Variants in GRIN2A observed in about 807,000 individuals in gnomAD.
The protein encoded by GRIN2A is glutamate ionotropic receptor NMDA type subunit 2A.
In GRIN2A, 22 loss-of-function variants were observed where a neutral mutation model predicts 113.4. The ratio of observed to expected loss-of-function variants is 0.19; its 90% CI spans 0.14 to 0.28. The LOEUF is 0.28. GRIN2A is among the 10% of genes least tolerant of loss of function. GRIN2A has a pLI of 1.00. For missense variants in GRIN2A, 1,502 were observed against 1,887.0 expected (o/e 0.80, Z 3.78); for synonymous variants, 827 against 738.4 (o/e 1.12, Z -1.94).
At chr16:10,106,294 G>T (rs755311018) in intron 2 of GRIN2A, among the ~76,000 whole-genome samples, 10 of 151,386 alleles carry the variant, frequency 6.6e-5, no homozygotes, top group Non-Finnish European at 1.3e-4. Context: ...TGGCACAGTG[G>T]CTCACTTCTG....
At chr16:10,125,387 A>G (rs887155453) in intron 2 of GRIN2A, among the ~76,000 whole-genome samples, 6 of 152,186 alleles carry the variant, frequency 3.9e-5, no homozygotes, top group African/African-American at 1.2e-4. Flanking sequence ...AACAACCCCA[A>G]GTGGAAAGAC....
chr16:9,968,885 G>A (rs911111674), intron 2 of GRIN2A, among the ~76,000 whole-genome samples: 4 of 152,146 alleles, frequency 2.6e-5, no homozygotes, highest in Non-Finnish European at 4.4e-5. Flanking sequence ...GGTAATTACA[G>A]GTGTGAGCCA....
chr16:10,019,507 C>T (rs1223987669), intron 2 of GRIN2A, among the ~76,000 whole-genome samples: 1 of 152,114 alleles, frequency 6.6e-6, no homozygotes, highest in Non-Finnish European at 1.5e-5. Flanking sequence ...ATTTGTGGAC[C>T]CATTTTAATG....
intron 2 of GRIN2A, among the ~76,000 whole-genome samples, chr16:10,137,709 T>A (rs549072811): frequency 2.0e-5 from 3 of 152,320 alleles, no homozygotes; most frequent in African/African-American, 4.8e-5. Context: ...TGTGAGACAC[T>A]ATAGTTTCCT....
intron 2 of GRIN2A, among the ~76,000 whole-genome samples, chr16:10,152,535 G>T (rs905680780): frequency 7.2e-5 from 11 of 152,100 alleles, no homozygotes; most frequent in African/African-American, 2.7e-4. Flanking sequence ...CACTCACTCT[G>T]ACCTGGTTCA....
At chr16:9,787,978 T>G (rs892687206) in intron 11 of GRIN2A, among the ~76,000 whole-genome samples, 59 of 152,152 alleles carry the variant, frequency 3.9e-4, no homozygotes, top group Middle Eastern at 3.4e-3. Flanking sequence ...AAGGCAGGAG[T>G]GAGTCATCTG....
chr16:10,120,388 G>A (rs2048810266), intron 2 of GRIN2A, among the ~76,000 whole-genome samples: 1 of 152,138 alleles, frequency 6.6e-6, no homozygotes, highest in Non-Finnish European at 1.5e-5. Context: ...GTTAAATCTT[G>A]ATATTATAAC....
intron 2 of GRIN2A, among the ~76,000 whole-genome samples, chr16:10,178,213 T>C (rs188090777): frequency 6.6e-6 from 1 of 152,310 alleles, no homozygotes; most frequent in East Asian, 1.9e-4. Context: ...CTTTAGAAGA[T>C]TGGCCCCTCC....
chr16:9,936,960 T>A (rs755830055), intron 3 of GRIN2A, among the ~76,000 whole-genome samples: 1 of 152,172 alleles, frequency 6.6e-6, no homozygotes. Flanking sequence ...AAAATGCACA[T>A]GAATTAGGAC....
intron 2 of GRIN2A, among the ~76,000 whole-genome samples, chr16:9,963,352 T>C (rs8051265): frequency 0.012 from 1,795 of 152,124 alleles, 17 homozygotes; most frequent in African/African-American, 0.042. Flanking sequence ...GCCATGGTGG[T>C]TGGCTGCCCC....
chr16:9,970,510 A>C (rs1235758978), intron 2 of GRIN2A, among the ~76,000 whole-genome samples: 2 of 152,214 alleles, frequency 1.3e-5, no homozygotes, highest in African/African-American at 4.8e-5. Context: ...TAGATCTGCT[A>C]AGGAAAAGAG....
chr16:10,037,824 G>A (rs2047063271), intron 2 of GRIN2A, among the ~76,000 whole-genome samples: 1 of 151,922 alleles, frequency 6.6e-6, no homozygotes, highest in African/African-American at 2.4e-5. Flanking sequence ...TTGCTATGTT[G>A]CCCAGGCTAC....
intron 2 of GRIN2A, among the ~76,000 whole-genome samples, chr16:9,962,241 C>G (rs1050511138): frequency 3.3e-5 from 5 of 152,190 alleles, no homozygotes; most frequent in African/African-American, 4.8e-5. Flanking sequence ...GCAATGGCAA[C>G]AAAAGCCAAA....
chr16:10,115,903 C>T (rs925330946), intron 2 of GRIN2A, among the ~76,000 whole-genome samples: 1 of 152,108 alleles, frequency 6.6e-6, no homozygotes, highest in Admixed American at 6.5e-5. Flanking sequence ...TTGTGGAAGA[C>T]AGTGTAGTGA....
chr16:10,052,512 C>G (rs559008552), intron 2 of GRIN2A, among the ~76,000 whole-genome samples: 10 of 152,296 alleles, frequency 6.6e-5, no homozygotes, highest in African/African-American at 2.4e-4. Flanking sequence ...CCATCTGCCC[C>G]AGGGGACATG....
At chr16:9,890,740 TC>T (rs2043676549) in intron 4 of GRIN2A, among the ~76,000 whole-genome samples, 1 of 152,180 alleles carries the variant, frequency 6.6e-6, no homozygotes, top group Non-Finnish European at 1.5e-5. Flanking sequence ...TTCAGACCTT[TC>T]CTACTGGGAT....
At chr16:9,889,303 G>A (rs182445961) in intron 4 of GRIN2A, among the ~76,000 whole-genome samples, 10 of 152,148 alleles carry the variant, frequency 6.6e-5, no homozygotes, top group Admixed American at 1.3e-4. Context: ...TGTAGTGTCT[G>A]TAAGTGATAG....
chr16:10,038,690 C>CA (rs201053375), intron 2 of GRIN2A, among the ~76,000 whole-genome samples: 13 of 150,790 alleles, frequency 8.6e-5, no homozygotes, highest in Non-Finnish European at 1.6e-4. Flanking sequence ...ATAAAAAACA[C>CA]AAAAAAAATT....
rs566418840 is a variant in GRIN2A at position 9,756,303 on chromosome 16, G to A, written c.*6846C>T. On this transcript the variant is annotated 3_prime_UTR_variant, in exon 13 of 13. Transcript: ENST00000330684. ...CCAGAAATTTTTTTAAATGCTAAGT[G>A]CAAGCATATGAAAGGGAGACACAAA... 3.8e-4 allele frequency: 88 copies of A among 229,426 alleles called. No homozygotes were observed. Among genetic ancestry groups the A allele is most frequent in the South Asian group, 1.6e-3 (9 of 5,496 alleles). 14.2% of individuals were successfully genotyped at this position (229,426 alleles called of 1,614,324 possible).
Sources: allele counts gnomAD v4.1 joint callset (sites outside exome capture counted in the v4.1 genomes callset), GRCh38; gene constraint gnomAD v4.1.1; transcripts MANE v1.5; gene names NCBI Gene and HGNC (gene_info 2026-07-23, HGNC 2026-07-21).